Variants in EDIL3 observed in about 807,000 individuals in gnomAD.
EDIL3 encodes the protein EGF like and discoidin domains 3, also known as EGF-like repeat and discoidin I-like domain-containing protein 3.
A neutral mutation model predicts 67.4 loss-of-function variants in EDIL3; 37 were observed. The ratio of observed to expected loss-of-function variants is 0.55; its 90% CI spans 0.42 to 0.72. The LOEUF is 0.72. EDIL3 is among the 30% of genes least tolerant of loss of function. The pLI is 0.00. For synonymous variants in EDIL3, 195 were observed against 196.3 expected (o/e 0.99, Z 0.05); for missense variants, 527 against 586.3 (o/e 0.90, Z 1.04).
At chr5:84,267,564 C>T (rs765926240) in intron 1 of EDIL3, among the ~76,000 whole-genome samples, 3 of 152,108 alleles carry the variant, frequency 2.0e-5, no homozygotes, top group Non-Finnish European at 4.4e-5. Flanking sequence ...CTATGGCTTC[C>T]AATCTTCCTT....
chr5:84,106,299 G>C (rs1323742210), intron 6 of EDIL3, among the ~76,000 whole-genome samples: 2 of 151,934 alleles, frequency 1.3e-5, no homozygotes, highest in African/African-American at 4.8e-5. Flanking sequence ...AGAAAACATT[G>C]ATATAATTTT....
intron 1 of EDIL3, among the ~76,000 whole-genome samples, chr5:84,299,674 A>T (rs568408541): frequency 1.3e-4 from 20 of 152,274 alleles, no homozygotes; most frequent in Middle Eastern, 3.4e-3. Flanking sequence ...TCTAGTTTTC[A>T]TATGTACAAA....
intron 3 of EDIL3, among the ~76,000 whole-genome samples, chr5:84,203,611 C>T (rs1743892682): frequency 6.6e-6 from 1 of 152,092 alleles, no homozygotes; most frequent in Non-Finnish European, 1.5e-5. Context: ...TTAGAATCAG[C>T]TCCAATAATT....
At chr5:84,196,922 T>C (rs1296158069) in intron 3 of EDIL3, 1 of 152,038 alleles carries the variant, frequency 6.6e-6, no homozygotes, top group Non-Finnish European at 1.5e-5. Context: ...ATTGGAATGA[T>C]ACAGAGAATA....
chr5:84,304,499 C>T (rs923991671), intron 1 of EDIL3, among the ~76,000 whole-genome samples: 1 of 152,138 alleles, frequency 6.6e-6, no homozygotes, highest in Non-Finnish European at 1.5e-5. Flanking sequence ...GCCTCTATTC[C>T]ACTTCTCTTG....
At chr5:84,027,899 T>C (rs1357820066) in intron 9 of EDIL3, among the ~76,000 whole-genome samples, 1 of 152,088 alleles carries the variant, frequency 6.6e-6, no homozygotes, top group Non-Finnish European at 1.5e-5. Flanking sequence ...TTCCATGCTG[T>C]ATGTTGTCTC....
At chr5:84,208,153 C>T (rs2112386097) in intron 3 of EDIL3, among the ~76,000 whole-genome samples, 1 of 152,274 alleles carries the variant, frequency 6.6e-6, no homozygotes, top group East Asian at 1.9e-4. Context: ...ACTCATCTGA[C>T]AGAGGGCTAA....
intron 1 of EDIL3, among the ~76,000 whole-genome samples, chr5:84,285,038 T>A (rs1745782914): frequency 1.3e-5 from 2 of 152,152 alleles, no homozygotes; most frequent in South Asian, 4.1e-4. Flanking sequence ...TACAAGAGTG[T>A]TTCTAAAGGC....
intron 9 of EDIL3, among the ~76,000 whole-genome samples, chr5:84,004,283 A>G (rs189235219): frequency 6.6e-6 from 1 of 152,270 alleles, no homozygotes; most frequent in Admixed American, 6.5e-5. Flanking sequence ...AATACTATCA[A>G]AGATACTTGG....
At position 84,179,854 on chromosome 5, in the gene EDIL3, C is replaced by T. The variant is rs113835066; in HGVS notation, c.355+539G>A. 1.7e-3 allele frequency among the ~76,000 whole-genome samples: 257 copies of T among 152,208 alleles called. 3 individuals carry two copies. The highest frequency in any genetic ancestry group is 5.6e-3 in the African/African-American group (232 of 41,528). On this transcript the variant is annotated intron_variant, in intron 4 of 10. Coordinates refer to ENST00000296591, the MANE Select transcript of EDIL3 (RefSeq NM_005711.5). ...AAGAAATCATCACTAGTGGGATCTA[C>T]TTTCTTTAACCTTCCAAGATAAATA...
At chr5:84,304,003 T>C (rs1025421956) in intron 1 of EDIL3, among the ~76,000 whole-genome samples, 5 of 152,096 alleles carry the variant, frequency 3.3e-5, no homozygotes, top group African/African-American at 1.2e-4. Flanking sequence ...CATATAAATT[T>C]ATAATATTAT....
At chr5:83,962,773 A>T (rs1030898085) in intron 10 of EDIL3, among the ~76,000 whole-genome samples, 1 of 151,638 alleles carries the variant, frequency 6.6e-6, no homozygotes, top group Admixed American at 6.6e-5. Flanking sequence ...ATGTTTAAAA[A>T]TAATTTCATT....
intron 1 of EDIL3, among the ~76,000 whole-genome samples, chr5:84,363,775 T>A (rs1308847826): frequency 6.6e-6 from 1 of 152,112 alleles, no homozygotes; most frequent in African/African-American, 2.4e-5. Context: ...TAAATTTGTA[T>A]GGATAAAAAT....
At position 84,336,391 on chromosome 5, in the gene EDIL3, G is replaced by T. The variant is rs185799792; in HGVS notation, c.67+47917C>A. On this transcript the variant is annotated intron_variant, in intron 1 of 10. Transcript: ENST00000296591. Reference sequence around the variant, plus strand: ...TGTGAGTTATGGTCTGTAACTGAAAGATTTCAAGTCGAGGGGATATCTGCA... The same window carrying T: ...TGTGAGTTATGGTCTGTAACTGAAATATTTCAAGTCGAGGGGATATCTGCA... Among the ~76,000 whole-genome samples, 3 of 152,272 alleles carry T rather than the reference G, an allele frequency of 2.0e-5. No individual in the cohort carries two copies. In the East Asian group the frequency reaches 5.8e-4, roughly 29 times the overall value.
intron 5 of EDIL3, among the ~76,000 whole-genome samples, chr5:84,119,666 G>C (rs1422676105): frequency 6.6e-6 from 1 of 151,980 alleles, no homozygotes; most frequent in Non-Finnish European, 1.5e-5. Context: ...TGATAAATCA[G>C]ATTACAATTC....
intron 1 of EDIL3, among the ~76,000 whole-genome samples, chr5:84,380,297 A>G (rs780847901): frequency 1.4e-5 from 2 of 138,304 alleles, no homozygotes; most frequent in Non-Finnish European, 1.7e-5. Flanking sequence ...AAACACAGAG[A>G]AGAACTGAAT....
chr5:84,268,657 A>G (rs940023782), intron 1 of EDIL3, among the ~76,000 whole-genome samples: 12 of 152,162 alleles, frequency 7.9e-5, no homozygotes, highest in African/African-American at 2.9e-4. Flanking sequence ...AGCATCTTTG[A>G]TGATTCACGC....
At chr5:84,364,994 C>G (rs761166830) in intron 1 of EDIL3, among the ~76,000 whole-genome samples, 6 of 149,030 alleles carry the variant, frequency 4.0e-5, no homozygotes, top group Admixed American at 3.3e-4. Flanking sequence ...AATATCTTCT[C>G]TAATGGAAAG....
chr5:84,053,404 A>G (rs1746378615), intron 9 of EDIL3, among the ~76,000 whole-genome samples: 1 of 152,136 alleles, frequency 6.6e-6, no homozygotes, highest in African/African-American at 2.4e-5. Flanking sequence ...AAGAACTAGA[A>G]AAGCAAGAGC....
Sources: allele counts gnomAD v4.1 joint callset (sites outside exome capture counted in the v4.1 genomes callset), GRCh38; gene constraint gnomAD v4.1.1; transcripts MANE v1.5; gene names NCBI Gene and HGNC (gene_info 2026-07-23, HGNC 2026-07-21).